ZNF385D: variants seen among roughly 807,000 people sequenced by gnomAD.
The protein encoded by ZNF385D is zinc finger protein 385D.
ZNF385D carries 15 observed loss-of-function variants against 35.8 expected under a neutral mutation model. The observed-to-expected ratio is 0.42, with a 90% confidence interval of 0.28 to 0.64. The LOEUF is 0.64. ZNF385D is among the 30% of genes least tolerant of loss of function. The pLI, the probability that ZNF385D is intolerant of heterozygous loss-of-function variation, is 0.23. For missense variants in ZNF385D, 474 were observed against 494.6 expected (o/e 0.96, Z 0.39); for synonymous variants, 212 against 186.8 (o/e 1.13, Z -1.10).
intron 3 of ZNF385D, among the ~76,000 whole-genome samples, chr3:21,920,895 C>A (rs543389895): frequency 5.9e-5 from 9 of 152,028 alleles, no homozygotes; most frequent in African/African-American, 1.7e-4. Flanking sequence ...AAAATATGAA[C>A]ATTTAAAATT....
intron 3 of ZNF385D, among the ~76,000 whole-genome samples, chr3:22,037,524 C>T (rs1392088528): frequency 2.0e-5 from 3 of 152,092 alleles, no homozygotes; most frequent in African/African-American, 7.2e-5. Flanking sequence ...TGAGAAGTGT[C>T]TGTTCATATC....
intron 2 of ZNF385D, among the ~76,000 whole-genome samples, chr3:22,261,586 T>C (rs1301796316): frequency 6.6e-6 from 1 of 151,962 alleles, no homozygotes; most frequent in African/African-American, 2.4e-5. Flanking sequence ...AACCTAGCCT[T>C]ATGGTCTTCT....
At chr3:22,283,985 C>T (rs1048778168) in intron 2 of ZNF385D, among the ~76,000 whole-genome samples, 2 of 151,990 alleles carry the variant, frequency 1.3e-5, no homozygotes, top group African/African-American at 4.8e-5. Flanking sequence ...TTATTGATGC[C>T]TTTTATGATG....
At chr3:21,460,911 C>T (rs1559312353) in intron 4 of ZNF385D, among the ~76,000 whole-genome samples, 1 of 152,112 alleles carries the variant, frequency 6.6e-6, no homozygotes, top group Non-Finnish European at 1.5e-5. Flanking sequence ...TTAATAATCT[C>T]TAGGATTTGT....
chr3:21,690,076 G>A (rs547547944), intron 1 of ZNF385D, among the ~76,000 whole-genome samples: 43 of 152,144 alleles, frequency 2.8e-4, no homozygotes, highest in Non-Finnish European at 4.0e-4. Flanking sequence ...TATTCTAGCC[G>A]TAAAATGTGT....
intron 3 of ZNF385D, among the ~76,000 whole-genome samples, chr3:21,998,561 C>A (rs527297165): frequency 6.6e-6 from 1 of 152,288 alleles, no homozygotes; most frequent in African/African-American, 2.4e-5. Context: ...TTGCAGATAT[C>A]TTTAACTATT....
chr3:22,240,813 GTGTAA>G (rs1229618494), intron 2 of ZNF385D, among the ~76,000 whole-genome samples: 1 of 151,024 alleles, frequency 6.6e-6, no homozygotes, highest in South Asian at 2.2e-4. Context: ...GCTAGCACAT[GTGTAA>G]TATCTCCCCC....
intron 2 of ZNF385D, among the ~76,000 whole-genome samples, chr3:21,614,543 G>A (rs1305669846): frequency 6.6e-6 from 1 of 152,124 alleles, no homozygotes; most frequent in Non-Finnish European, 1.5e-5. Context: ...TGGATGAATG[G>A]CAGGGGGTGA....
intron 3 of ZNF385D, among the ~76,000 whole-genome samples, chr3:21,978,844 T>A (rs141591414): frequency 3.3e-5 from 5 of 152,182 alleles, no homozygotes; most frequent in East Asian, 1.9e-4. Context: ...ATTAGTGACC[T>A]TGACTGTATA....
chr3:21,837,433 C>G (rs778128680), intron 3 of ZNF385D, among the ~76,000 whole-genome samples: 3 of 152,056 alleles, frequency 2.0e-5, no homozygotes, highest in Non-Finnish European at 4.4e-5. Context: ...ATGGCTAGGC[C>G]TCTCTTTCTA....
intron 2 of ZNF385D, among the ~76,000 whole-genome samples, chr3:21,635,743 T>C (rs901329731): frequency 4.1e-4 from 62 of 152,116 alleles, no homozygotes; most frequent in Admixed American, 4.6e-4. Context: ...CCAAAGTCCA[T>C]TGTATCATTC....
intron 4 of ZNF385D, among the ~76,000 whole-genome samples, chr3:21,451,279 A>G (rs2125279967): frequency 6.6e-6 from 1 of 152,222 alleles, no homozygotes; most frequent in East Asian, 1.9e-4. Context: ...CGCTAATAAA[A>G]AAAGTGTCAC....
intron 2 of ZNF385D, among the ~76,000 whole-genome samples, chr3:21,600,900 T>G (rs867452049): frequency 6.6e-6 from 1 of 151,766 alleles, no homozygotes; most frequent in Middle Eastern, 3.2e-3. Context: ...AAGGGATGAA[T>G]AGATTAAAAG....
At chr3:21,700,976 G>T (rs1482541222) in intron 1 of ZNF385D, among the ~76,000 whole-genome samples, 1 of 151,998 alleles carries the variant, frequency 6.6e-6, no homozygotes, top group Admixed American at 6.5e-5. Flanking sequence ...ACCCTTTGAG[G>T]CTGTCCTGCA....
chr3:22,062,805 A>T (rs1699758148), intron 3 of ZNF385D, among the ~76,000 whole-genome samples: 1 of 152,158 alleles, frequency 6.6e-6, no homozygotes, highest in African/African-American at 2.4e-5. Context: ...TGCAGTGAGG[A>T]CATACACACA....
At chr3:21,626,738 CAAAATGGATGA>C (rs900718637) in intron 2 of ZNF385D, among the ~76,000 whole-genome samples, 3 of 151,936 alleles carry the variant, frequency 2.0e-5, no homozygotes, top group Non-Finnish European at 4.4e-5. Flanking sequence ...GAAGTGAGTT[CAAAATGGATGA>C]AAATGCTAGA....
intron 3 of ZNF385D, among the ~76,000 whole-genome samples, chr3:21,865,175 C>A (rs531744726): frequency 1.4e-5 from 2 of 145,360 alleles, no homozygotes; most frequent in South Asian, 4.5e-4. Context: ...TATAATAGAA[C>A]TACAAGTAAT....
intron 2 of ZNF385D, among the ~76,000 whole-genome samples, chr3:22,334,969 G>T (rs1244233842): frequency 6.6e-6 from 1 of 151,970 alleles, no homozygotes; most frequent in Non-Finnish European, 1.5e-5. Flanking sequence ...AATATTCCTT[G>T]TTTAAAAAAT....
chr3:21,897,090 A>C (rs1456551701), intron 3 of ZNF385D, among the ~76,000 whole-genome samples: 1 of 152,124 alleles, frequency 6.6e-6, no homozygotes. Flanking sequence ...AGACCTATTA[A>C]AGGCAAGACT....
Sources: allele counts gnomAD v4.1 joint callset (sites outside exome capture counted in the v4.1 genomes callset), GRCh38; gene constraint gnomAD v4.1.1; transcripts MANE v1.5; gene names NCBI Gene and HGNC (gene_info 2026-07-23, HGNC 2026-07-21).